Variants in RNF111 observed in about 807,000 individuals in gnomAD.
RNF111 encodes E3 ubiquitin-protein ligase Arkadia.
Under a neutral mutation model 95.1 loss-of-function variants are expected in RNF111, and 17 were observed. That is an observed-to-expected ratio of 0.18 (90% CI 0.12 to 0.27). The LOEUF (loss-of-function observed/expected upper bound fraction) is 0.27, where lower values mean the gene tolerates loss of function less well. Among genes scored for constraint, RNF111 ranks in the 10% least tolerant of loss-of-function variants. The pLI, the probability that RNF111 is intolerant of heterozygous loss-of-function variation, is 1.00. For synonymous variants in RNF111, 440 were observed against 414.8 expected, an observed-to-expected ratio of 1.06 and a Z score of -0.74; for missense variants, 1,189 against 1,210.4, an observed-to-expected ratio of 0.98 and a Z score of 0.26.
intron 4 of RNF111, among the ~76,000 whole-genome samples, chr15:59,056,676 A>G (rs539276430): frequency 6.6e-6 from 1 of 152,308 alleles, no homozygotes; most frequent in African/African-American, 2.4e-5. Context: ...CTTTCAGAGT[A>G]TCAGTACCCA....
chr15:59,019,683 G>GTGT (rs1297030319), intron 1 of RNF111, among the ~76,000 whole-genome samples: 42 of 152,270 alleles, frequency 2.8e-4, no homozygotes, highest in African/African-American at 1.0e-3. Flanking sequence ...TTTAAGCCAG[G>GTGT]CGTGGTGGCT....
At chr15:59,070,883 C>T (rs767274349) in intron 6 of RNF111, among the ~76,000 whole-genome samples, 3 of 152,204 alleles carry the variant, frequency 2.0e-5, no homozygotes, top group Non-Finnish European at 2.9e-5. Context: ...AGCCCCTCAG[C>T]TTCCAGTATT....
chr15:59,035,908 C>G (rs2041154366), intron 2 of RNF111, among the ~76,000 whole-genome samples: 1 of 152,150 alleles, frequency 6.6e-6, no homozygotes, highest in Non-Finnish European at 1.5e-5. Context: ...TTGGAGCTCT[C>G]CAAACTTTTG....
At chr15:59,064,746 C>T (rs1454945346) in intron 5 of RNF111, among the ~76,000 whole-genome samples, 6 of 151,726 alleles carry the variant, frequency 4.0e-5, no homozygotes, top group South Asian at 2.1e-4. Flanking sequence ...AGACTAGCAG[C>T]TTGGAAAAAA....
chr15:59,002,299 C>G (rs1253902182), intron 1 of RNF111, among the ~76,000 whole-genome samples: 1 of 152,142 alleles, frequency 6.6e-6, no homozygotes, highest in Non-Finnish European at 1.5e-5. Flanking sequence ...TTTTAAAGAT[C>G]AACTCTTAAA....
intron 1 of RNF111, among the ~76,000 whole-genome samples, chr15:59,012,388 C>G (rs1459248504): frequency 6.6e-6 from 1 of 152,024 alleles, no homozygotes; most frequent in East Asian, 1.9e-4. Flanking sequence ...GCCTTTAGTG[C>G]TTTGAAGTAC....
chr15:59,048,016 A>T (rs898347200), intron 2 of RNF111, among the ~76,000 whole-genome samples: 3 of 152,244 alleles, frequency 2.0e-5, no homozygotes, highest in Admixed American at 6.5e-5. Flanking sequence ...TTGGGAATGT[A>T]AAATTGTAGA....
chr15:59,026,649 G>A (rs757110186), intron 1 of RNF111, among the ~76,000 whole-genome samples: 1 of 151,916 alleles, frequency 6.6e-6, no homozygotes, highest in Non-Finnish European at 1.5e-5. Context: ...TGCAATACTT[G>A]TGTTTATTTC....
chr15:59,028,308 T>C (rs2040726521), intron 1 of RNF111, among the ~76,000 whole-genome samples: 2 of 152,224 alleles, frequency 1.3e-5, no homozygotes, highest in African/African-American at 4.8e-5. Flanking sequence ...CTTGAGTCAG[T>C]ATGGTAGTCT....
Position 59,096,865 on chromosome 15 carries a change from G to T in RNF111, c.*1965G>T, listed in dbSNP as rs1400671927. On this transcript the variant is annotated 3_prime_UTR_variant, in exon 14 of 14. Coordinates refer to ENST00000348370, the MANE Select transcript of RNF111 (RefSeq NM_017610.8). ...AAGTGTAAGATGGGGAGAACTGTAT[G>T]TCATGGAGTCCTCTTGACGTTCCCC... 1 of 152,230 alleles carries T rather than the reference G, an allele frequency of 6.6e-6. No individual in the cohort carries two copies. Among genetic ancestry groups the T allele is most frequent in the East Asian group, 1.9e-4 (1 of 5,206 alleles). The allele number at this position is 152,230 out of a possible 1,614,324, so 9.4% of individuals were successfully genotyped here. A position where few individuals can be genotyped will look rare whatever the true frequency, so the allele number is the denominator to read the frequency against.
At chr15:59,073,354 A>T (rs1385289306) in intron 6 of RNF111, among the ~76,000 whole-genome samples, 1 of 151,662 alleles carries the variant, frequency 6.6e-6, no homozygotes, top group African/African-American at 2.4e-5. Context: ...GGTGGCATGC[A>T]CCTGTAATCC....
At chr15:59,037,277 T>C (rs576297767) in intron 2 of RNF111, among the ~76,000 whole-genome samples, 4 of 152,356 alleles carry the variant, frequency 2.6e-5, no homozygotes, top group Admixed American at 6.5e-5. Context: ...TTAGAAAGCC[T>C]GTTAAACATT....
intron 2 of RNF111, among the ~76,000 whole-genome samples, chr15:59,036,484 A>C (rs2041185504): frequency 6.7e-6 from 1 of 149,816 alleles, no homozygotes; most frequent in Non-Finnish European, 1.5e-5. Context: ...AGCAGGCAAG[A>C]GAGAGCTTGT....
intron 1 of RNF111, among the ~76,000 whole-genome samples, chr15:59,024,681 G>A (rs1298240385): frequency 3.3e-5 from 5 of 152,096 alleles, no homozygotes; most frequent in Non-Finnish European, 7.3e-5. Flanking sequence ...TATTTTGGTC[G>A]TTTAAATGTA....
chr15:59,060,589 G>A (rs1469149589), intron 5 of RNF111, among the ~76,000 whole-genome samples: 1 of 151,980 alleles, frequency 6.6e-6, no homozygotes, highest in South Asian at 2.1e-4. Flanking sequence ...GATCCTCGAG[G>A]GCACCACTAC....
Position 59,031,211 on chromosome 15 carries a change from A to G in RNF111, c.389A>G (p.Asn130Ser). 2.5e-6 allele frequency: 4 copies of G among 1,614,212 alleles called. No homozygotes were observed. Among genetic ancestry groups the G allele is most frequent in the South Asian group, 1.1e-5 (1 of 91,080 alleles). Reference sequence around the variant, plus strand: ...CTAGGGACACCAAGTGATGAAGATAATGATTCCTCTTTTAGTGATTGTCTT... The same window carrying G: ...CTAGGGACACCAAGTGATGAAGATAGTGATTCCTCTTTTAGTGATTGTCTT... ...QHLGTPSDED[N>S]DSSFSDCLSS... Residue 130 changes from asparagine (N) to serine (S), a missense_variant, in exon 2 of 14, where the codon AAT (asparagine) becomes AGT (serine). By Grantham distance (46) the Asn-to-Ser change is conservative (BLOSUM62 1). Around this residue, in one of 2 missense-constraint regions of RNF111, gnomAD observed 1,024 missense variants for 925.9 expected, o/e 1.11. Coordinates refer to ENST00000348370, the MANE Select transcript of RNF111 (RefSeq NM_017610.8).
At chr15:59,044,209 T>C (rs1246832203) in intron 2 of RNF111, among the ~76,000 whole-genome samples, 2 of 152,192 alleles carry the variant, frequency 1.3e-5, no homozygotes, top group African/African-American at 4.8e-5. Flanking sequence ...TTTTGTATTA[T>C]TAATAGAGAC....
intron 12 of RNF111, 62 bp downstream of exon 12, chr15:59,091,216 C>A: frequency 1.1e-6 from 1 of 904,732 alleles, no homozygotes; most frequent in Non-Finnish European, 1.7e-6. Flanking sequence ...TAATATATAC[C>A]TTTTTTGAAT....
chr15:59,033,939 TA>T (rs1485408195), intron 2 of RNF111, among the ~76,000 whole-genome samples: 1 of 152,044 alleles, frequency 6.6e-6, no homozygotes, highest in Non-Finnish European at 1.5e-5. Flanking sequence ...AAACTGGTTT[TA>T]AAAAAAATAA....
Sources: allele counts gnomAD v4.1 joint callset (sites outside exome capture counted in the v4.1 genomes callset), GRCh38; gene constraint gnomAD v4.1.1; regional missense constraint gnomAD v4.1.1; transcripts MANE v1.5; gene names NCBI Gene and HGNC (gene_info 2026-07-23, HGNC 2026-07-21).